GRID2: variants seen among roughly 807,000 people sequenced by gnomAD.
GRID2 encodes glutamate receptor ionotropic, delta-2.
In GRID2, 33 loss-of-function variants were observed where a neutral mutation model predicts 114.8. The ratio of observed to expected loss-of-function variants is 0.29; its 90% confidence interval spans 0.22 to 0.38. GRID2 has a LOEUF of 0.38. Ranked by LOEUF, GRID2 falls within the 10% of genes least tolerant of loss-of-function variation. The pLI, the probability that GRID2 is intolerant of heterozygous loss-of-function variation, is 1.00. For missense variants in GRID2, 1,184 were observed against 1,257.7 expected, an observed-to-expected ratio of 0.94 and a Z score of 0.89; for synonymous variants, 505 against 449.9, an observed-to-expected ratio of 1.12 and a Z score of -1.55.
chr4:93,279,051 C>T (rs999415034), intron 8 of GRID2, among the ~76,000 whole-genome samples: 2 of 151,730 alleles, frequency 1.3e-5, no homozygotes, highest in Admixed American at 6.6e-5. Context: ...CAATTAAACA[C>T]CTTCAAGTAT....
At chr4:92,592,365 C>T (rs572953507) in intron 2 of GRID2, among the ~76,000 whole-genome samples, 2 of 152,002 alleles carry the variant, frequency 1.3e-5, no homozygotes, top group South Asian at 2.1e-4. Flanking sequence ...GAAATGAAGA[C>T]AACACAGTGG....
intron 1 of GRID2, among the ~76,000 whole-genome samples, chr4:93,793,697 G>T (rs1296082615): frequency 6.6e-6 from 1 of 152,112 alleles, no homozygotes; most frequent in Non-Finnish European, 1.5e-5. Flanking sequence ...ATGCTACTTA[G>T]TACTTTTGTG....
chr4:93,242,449 G>A (rs945996200), intron 8 of GRID2, among the ~76,000 whole-genome samples: 3 of 152,058 alleles, frequency 2.0e-5, no homozygotes, highest in South Asian at 2.1e-4. Context: ...AAGCTTCATC[G>A]GGTTATTTTT....
intron 5 of GRID2, among the ~76,000 whole-genome samples, chr4:93,212,972 C>T (rs1035975294): frequency 1.3e-5 from 2 of 151,932 alleles, no homozygotes; most frequent in African/African-American, 4.8e-5. Flanking sequence ...GGGGTTTCAC[C>T]ATGTTGGCCA....
chr4:93,494,739 T>C (rs537600077), intron 12 of GRID2, among the ~76,000 whole-genome samples: 23 of 151,834 alleles, frequency 1.5e-4, no homozygotes, highest in Admixed American at 1.2e-3. Flanking sequence ...TAATGACAAT[T>C]TGGGCTTTTT....
At chr4:93,693,356 C>T (rs1213799918) in intron 14 of GRID2, among the ~76,000 whole-genome samples, 3 of 152,160 alleles carry the variant, frequency 2.0e-5, no homozygotes, top group Non-Finnish European at 4.4e-5. Context: ...ACTCTTAATA[C>T]TGGAATCCGC....
intron 3 of GRID2, among the ~76,000 whole-genome samples, chr4:93,098,717 C>T (rs1413168225): frequency 6.6e-6 from 1 of 151,760 alleles, no homozygotes; most frequent in African/African-American, 2.4e-5. Flanking sequence ...TGCCTAGTAA[C>T]AATAACAACC....
chr4:92,496,763 A>G (rs188355004), intron 1 of GRID2, among the ~76,000 whole-genome samples: 2 of 151,912 alleles, frequency 1.3e-5, no homozygotes, highest in Admixed American at 1.3e-4. Context: ...CTAAAACAGT[A>G]GGCATGAAAT....
rs556469877 is a variant in GRID2 at position 92,570,295 on chromosome 4, A to G, written c.89-19836A>G. 2.4e-4 allele frequency among the ~76,000 whole-genome samples: 37 copies of G among 151,960 alleles called. No individual in the cohort carries two copies. The South Asian group carries it at 3.3e-3, about 14-fold the overall frequency. On this transcript the variant is annotated intron_variant, in intron 1 of 15. Transcript: ENST00000282020. ...GTTTAGTCTTATTTTTGGGCTCTCTATGCTATTTCATTGGTCTATGTGTCT... is the reference window on the plus strand; with the variant it reads ...GTTTAGTCTTATTTTTGGGCTCTCTGTGCTATTTCATTGGTCTATGTGTCT...
At chr4:92,896,233 T>A (rs979986970) in intron 2 of GRID2, among the ~76,000 whole-genome samples, 1 of 152,188 alleles carries the variant, frequency 6.6e-6, no homozygotes, top group Non-Finnish European at 1.5e-5. Context: ...CCAGGCAATA[T>A]GTATTCAAGG....
At chr4:92,840,569 T>C (rs1191785967) in intron 2 of GRID2, among the ~76,000 whole-genome samples, 1 of 152,080 alleles carries the variant, frequency 6.6e-6, no homozygotes, top group Non-Finnish European at 1.5e-5. Context: ...TCTTCATAAT[T>C]AGTACCAAAA....
intron 2 of GRID2, among the ~76,000 whole-genome samples, chr4:92,901,805 C>G (rs1747601903): frequency 6.6e-6 from 1 of 151,780 alleles, no homozygotes; most frequent in Admixed American, 6.6e-5. Context: ...ACTAGAAATA[C>G]TGATCTATAT....
chr4:92,751,346 A>G (rs1295481124), intron 2 of GRID2, among the ~76,000 whole-genome samples: 1 of 152,158 alleles, frequency 6.6e-6, no homozygotes, highest in Non-Finnish European at 1.5e-5. Flanking sequence ...CCATCTTTCA[A>G]TTATTTGTCA....
At chr4:92,401,176 A>G (rs1267549910) in intron 1 of GRID2, among the ~76,000 whole-genome samples, 2 of 152,142 alleles carry the variant, frequency 1.3e-5, no homozygotes, top group East Asian at 3.8e-4. Context: ...CAAGGTCACA[A>G]GGTCAGATTC....
chr4:92,518,144 A>G (rs1328898483), intron 1 of GRID2, among the ~76,000 whole-genome samples: 1 of 148,326 alleles, frequency 6.7e-6, no homozygotes, highest in Non-Finnish European at 1.5e-5. Flanking sequence ...TTCTTCTCCT[A>G]CTCTTCATCC....
chr4:92,870,575 T>C (rs1400572796), intron 2 of GRID2, among the ~76,000 whole-genome samples: 2 of 152,096 alleles, frequency 1.3e-5, no homozygotes, highest in African/African-American at 4.8e-5. Flanking sequence ...TTTATTTTAG[T>C]TTATTTTAAA....
intron 1 of GRID2, among the ~76,000 whole-genome samples, chr4:92,502,260 G>A (rs1723721713): frequency 6.6e-6 from 1 of 151,978 alleles, no homozygotes; most frequent in African/African-American, 2.4e-5. Context: ...AACATCATCT[G>A]CTTACATAAA....
At chr4:93,499,144 C>T (rs1471626445) in intron 12 of GRID2, among the ~76,000 whole-genome samples, 1 of 151,838 alleles carries the variant, frequency 6.6e-6, no homozygotes, top group Non-Finnish European at 1.5e-5. Flanking sequence ...TCTATTTCTT[C>T]TCCATCTTTT....
chr4:93,772,530 T>C lies in GRID2; in HGVS notation c.*32T>C. On this transcript the variant is annotated 3_prime_UTR_variant, in exon 16 of 16. Transcript: ENST00000282020. ...AACAAATCTCTTCACTGTTTCTTTT[T>C]TAGGACTCCCTTTGCAAGGAGCAAC... The C allele has an allele frequency of 3.4e-6, 5 of 1,469,190 alleles. No homozygotes were observed. The highest frequency in any genetic ancestry group is 4.6e-6 in the Non-Finnish European group (5 of 1,084,496). 91.0% of individuals were successfully genotyped at this position (1,469,190 alleles called of 1,614,324 possible). A position where few individuals can be genotyped will look rare whatever the true frequency, so the allele number is the denominator to read the frequency against.
Sources: allele counts gnomAD v4.1 joint callset (sites outside exome capture counted in the v4.1 genomes callset), GRCh38; gene constraint gnomAD v4.1.1; transcripts MANE v1.5; gene names NCBI Gene and HGNC (gene_info 2026-07-23, HGNC 2026-07-21).